Variants in RARB observed in about 807,000 individuals in gnomAD.
The protein encoded by RARB is HBV-activated protein.
Under a neutral mutation model 51.9 loss-of-function variants are expected in RARB, and 17 were observed. The ratio of observed to expected loss-of-function variants is 0.33; its 90% CI spans 0.22 to 0.49. The LOEUF (loss-of-function observed/expected upper bound fraction) is 0.49, where lower values mean the gene tolerates loss of function less well. Among genes scored for constraint, RARB ranks in the 20% least tolerant of loss-of-function variants. RARB has a pLI of 0.99. For missense variants in RARB, 369 were observed against 550.8 expected, an observed-to-expected ratio of 0.67 and a Z score of 3.30; for synonymous variants, 215 against 195.4, an observed-to-expected ratio of 1.10 and a Z score of -0.84.
At chr3:25,334,404 T>C (rs1367318458) in intron 5 of RARB, among the ~76,000 whole-genome samples, 1 of 152,118 alleles carries the variant, frequency 6.6e-6, no homozygotes, top group South Asian at 2.1e-4. Flanking sequence ...TAGGAAACCA[T>C]CATTCTGAGC....
chr3:25,021,559 G>A (rs1172179592), intron 2 of RARB, among the ~76,000 whole-genome samples: 1 of 152,048 alleles, frequency 6.6e-6, no homozygotes, highest in Admixed American at 6.6e-5. Flanking sequence ...TGAAGACTTA[G>A]TAATGGGCTT....
chr3:25,591,766 C>A (rs1701623542), intron 5 of RARB, among the ~76,000 whole-genome samples: 1 of 152,200 alleles, frequency 6.6e-6, no homozygotes, highest in Non-Finnish European at 1.5e-5. Context: ...TGAAGTCAGA[C>A]TTTTAAAAAT....
intron 2 of RARB, among the ~76,000 whole-genome samples, chr3:24,945,138 A>G (rs994038906): frequency 6.6e-6 from 1 of 152,170 alleles, no homozygotes; most frequent in Admixed American, 6.5e-5. Context: ...AGTTTTTTAT[A>G]GTCTTATGGG....
chr3:24,915,687 G>T (rs532507787), intron 2 of RARB, among the ~76,000 whole-genome samples: 8 of 152,310 alleles, frequency 5.3e-5, no homozygotes, highest in African/African-American at 1.7e-4. Context: ...GGTGTTGTAT[G>T]TGACTTGGAT....
rs1575163102 is a variant in RARB at position 25,106,451 on chromosome 3, G to GGTTTTTT, written c.-327-25710_-327-25709insGTTTTTT. Among the ~76,000 whole-genome samples, 44 of 70,540 alleles carry GGTTTTTT rather than the reference G, an allele frequency of 6.2e-4. 3 individuals are homozygous for GGTTTTTT. Among genetic ancestry groups the GGTTTTTT allele is most frequent in the Middle Eastern group, 9.4e-3 (1 of 106 alleles). 46.3% of individuals were successfully genotyped at this position (70,540 alleles called of 152,430 possible). A position where few individuals can be genotyped will look rare whatever the true frequency, so the allele number is the denominator to read the frequency against. On this transcript the variant is annotated intron_variant, in intron 3 of 11. Coordinates refer to the RARB transcript ENST00000383772. ...CCACCATGCCCAGCTACTGTTTTTT[G>GGTTTTTT]TTTTTTGTTTTTTTTTGTTTTGTTT...
intron 5 of RARB, among the ~76,000 whole-genome samples, chr3:25,192,359 T>A (rs1701124259): frequency 6.6e-6 from 1 of 152,132 alleles, no homozygotes. Context: ...GACAATTTTG[T>A]GGTACTAGCT....
At chr3:25,530,727 T>G (rs1237389729) in intron 3 of RARB, among the ~76,000 whole-genome samples, 1 of 152,204 alleles carries the variant, frequency 6.6e-6, no homozygotes, top group African/African-American at 2.4e-5. Flanking sequence ...TAATCTCAAT[T>G]CCATCTGCAA....
At chr3:25,169,975 GAC>G (rs1559490600) in intron 4 of RARB, among the ~76,000 whole-genome samples, 1 of 135,958 alleles carries the variant, frequency 7.4e-6, no homozygotes, top group Non-Finnish European at 1.5e-5. Context: ...GTGACAGAGC[GAC>G]ACCTTATTTC....
At chr3:25,224,595 C>A (rs561507118) in intron 5 of RARB, among the ~76,000 whole-genome samples, 13 of 152,226 alleles carry the variant, frequency 8.5e-5, no homozygotes, top group African/African-American at 3.1e-4. Context: ...CACCTGAAAT[C>A]TTAATAGATT....
intron 2 of RARB, among the ~76,000 whole-genome samples, chr3:24,859,930 T>C (rs1032075452): frequency 6.6e-6 from 1 of 152,106 alleles, no homozygotes; most frequent in African/African-American, 2.4e-5. Flanking sequence ...ATATTTTCCT[T>C]GCAATTTCTT....
intron 1 of RARB, among the ~76,000 whole-genome samples, chr3:24,855,777 A>T (rs9832148): frequency 0.72 from 101,473 of 140,808 alleles, 37,633 homozygotes; most frequent in East Asian, 0.97. Context: ...AGACAGAGTC[A>T]CTCTCTGTCG....
At chr3:25,536,659 C>T (rs1403489038) in intron 3 of RARB, among the ~76,000 whole-genome samples, 1 of 152,186 alleles carries the variant, frequency 6.6e-6, no homozygotes, top group Admixed American at 6.5e-5. Context: ...TCGTTTGTTA[C>T]AGCTAAAGTT....
intron 5 of RARB, among the ~76,000 whole-genome samples, chr3:25,358,037 A>C (rs1051810257): frequency 6.6e-6 from 1 of 152,116 alleles, no homozygotes; most frequent in African/African-American, 2.4e-5. Flanking sequence ...TTTTCTAATT[A>C]TGTGAAGAAA....
intron 5 of RARB, among the ~76,000 whole-genome samples, chr3:25,339,411 C>T (rs751637856): frequency 6.6e-6 from 1 of 152,170 alleles, no homozygotes; most frequent in Non-Finnish European, 1.5e-5. Context: ...CAATTCAACG[C>T]TTTCTGTACC....
intron 5 of RARB, among the ~76,000 whole-genome samples, chr3:25,374,660 G>T (rs1706402370): frequency 6.6e-6 from 1 of 152,102 alleles, no homozygotes; most frequent in South Asian, 2.1e-4. Context: ...AGCCAGAATA[G>T]ATGTTAGCCT....
chr3:25,327,351 C>G (rs927833850), intron 5 of RARB, among the ~76,000 whole-genome samples: 1 of 151,616 alleles, frequency 6.6e-6, no homozygotes, highest in African/African-American at 2.4e-5. Context: ...AGCACTACTA[C>G]AATATTTCAA....
chr3:25,369,971 A>G (rs1706249103), intron 5 of RARB, among the ~76,000 whole-genome samples: 1 of 152,216 alleles, frequency 6.6e-6, no homozygotes, highest in South Asian at 2.1e-4. Flanking sequence ...GATAAATTGG[A>G]AATAGCCTAA....
chr3:24,833,590 C>A (rs924594685), intron 1 of RARB, among the ~76,000 whole-genome samples: 8 of 152,220 alleles, frequency 5.3e-5, no homozygotes, highest in Admixed American at 3.3e-4. Flanking sequence ...TAACATTTTA[C>A]ACACAAAATT....
chr3:24,901,881 T>G (rs767942167), intron 2 of RARB, among the ~76,000 whole-genome samples: 16 of 152,134 alleles, frequency 1.1e-4, no homozygotes, highest in Non-Finnish European at 2.1e-4. Flanking sequence ...AGCATTTATA[T>G]ATATAACGTT....
Sources: allele counts gnomAD v4.1 joint callset (sites outside exome capture counted in the v4.1 genomes callset), GRCh38; gene constraint gnomAD v4.1.1; transcripts MANE v1.5; gene names NCBI Gene and HGNC (gene_info 2026-07-23, HGNC 2026-07-21).